FLRT1: variants seen among roughly 807,000 people sequenced by gnomAD.
FLRT1 encodes the protein fibronectin leucine rich transmembrane protein 1.
A neutral mutation model predicts 30.9 loss-of-function variants in FLRT1; 14 were observed. The observed-to-expected ratio is 0.45, with a 90% CI of 0.30 to 0.71. FLRT1 has a LOEUF of 0.71. FLRT1 is among the 30% of genes least tolerant of loss of function. The pLI, the probability that FLRT1 is intolerant of heterozygous loss-of-function variation, is 0.08. For missense variants in FLRT1, 737 were observed against 949.2 expected (o/e 0.78, Z 2.94); for synonymous variants, 368 against 430.4 (o/e 0.85, Z 1.80).
chr11:64,077,461 T>A (rs998422132), intron 1 of FLRT1, among the ~76,000 whole-genome samples: 3 of 152,076 alleles, frequency 2.0e-5, no homozygotes, highest in Non-Finnish European at 2.9e-5. Context: ...TAAAGACCCA[T>A]CAGCCTTGCC....
chr11:64,078,520 G>A (rs1415073137), intron 1 of FLRT1, among the ~76,000 whole-genome samples: 1 of 152,222 alleles, frequency 6.6e-6, no homozygotes, highest in African/African-American at 2.4e-5. Flanking sequence ...AGCATCGGAG[G>A]GATACCCGGG....
intron 1 of FLRT1, among the ~76,000 whole-genome samples, chr11:64,063,270 G>A (rs1321359813): frequency 6.6e-6 from 1 of 152,064 alleles, no homozygotes; most frequent in African/African-American, 2.4e-5. Context: ...CAATATTAGC[G>A]CCCTCTTCCT....
In FLRT1 at chr11:64,041,719, C is replaced by T. The variant is rs144588305; in HGVS notation, c.-1038+5560C>T. Among the ~76,000 whole-genome samples the T allele has an allele frequency of 2.8e-3, 420 of 152,220 alleles. 1 individual carries two copies. The highest frequency in any genetic ancestry group is 9.6e-3 in the African/African-American group (397 of 41,538). On this transcript the variant is annotated intron_variant, in intron 1 of 2. Coordinates refer to ENST00000682287, the MANE Select transcript of FLRT1 (RefSeq NM_013280.5). ...ATCCGAGGGACTGAGCTCTCTCAAG[C>T]GACATAGCATCTTGGGTCTTGGATC...
chr11:64,072,877 G>A (rs1373436311), intron 1 of FLRT1, among the ~76,000 whole-genome samples: 1 of 152,194 alleles, frequency 6.6e-6, no homozygotes, highest in African/African-American at 2.4e-5. Context: ...ATAAACCTAC[G>A]TGTGGAGCAG....
At chr11:64,059,557 C>G (rs2134433342) in intron 1 of FLRT1, among the ~76,000 whole-genome samples, 1 of 152,304 alleles carries the variant, frequency 6.6e-6, no homozygotes, top group South Asian at 2.1e-4. Flanking sequence ...CCACCCTCAT[C>G]TGGGGAACAG....
chr11:64,076,881 C>G lies in FLRT1; in HGVS notation c.-1037-26313C>G, dbSNP rs1297440122. 2.0e-5 allele frequency among the ~76,000 whole-genome samples: 3 copies of G among 152,238 alleles called. No individual in the cohort carries two copies. In the South Asian group the frequency reaches 6.2e-4, roughly 32 times the overall value. On this transcript the variant is annotated intron_variant, in intron 1 of 2. Transcript: ENST00000682287. Reference sequence around the variant, plus strand: ...TCCATCCCTTGCCTTCCCAAGCTGCCACACTTACTCATCGGCTTGGGGCTA... The same window carrying G: ...TCCATCCCTTGCCTTCCCAAGCTGCGACACTTACTCATCGGCTTGGGGCTA...
rs1346499334 is a variant in FLRT1, at chr11:64,118,919, T to C, written c.*627T>C. 6.0e-6 allele frequency: 1 copy of C among 166,322 alleles called. No homozygotes were observed. Among genetic ancestry groups the C allele is most frequent in the Non-Finnish European group, 1.5e-5 (1 of 67,758 alleles). 10.3% of individuals were successfully genotyped at this position (166,322 alleles called of 1,614,324 possible). A position where few individuals can be genotyped will look rare whatever the true frequency, so the allele number is the denominator to read the frequency against. Reference sequence around the variant, plus strand: ...TCACTGCATTCTTTGAACAATCATGTAGTCGATTAAAAAAAAAAAACAAAC... The same window carrying C: ...TCACTGCATTCTTTGAACAATCATGCAGTCGATTAAAAAAAAAAAACAAAC... On this transcript the variant is annotated 3_prime_UTR_variant, in exon 3 of 3. Transcript: ENST00000682287.
chr11:64,077,380 G>A (rs1944221144), intron 1 of FLRT1, among the ~76,000 whole-genome samples: 1 of 152,188 alleles, frequency 6.6e-6, no homozygotes, highest in Non-Finnish European at 1.5e-5. Context: ...CCTGTCACGG[G>A]GCTGCCCTGC....
At chr11:64,056,702 T>C (rs753461049) in intron 1 of FLRT1, among the ~76,000 whole-genome samples, 2 of 152,078 alleles carry the variant, frequency 1.3e-5, no homozygotes, top group Non-Finnish European at 2.9e-5. Flanking sequence ...GCAGCACTCA[T>C]AGGGGACAGC....
chr11:64,117,307 C>T lies in FLRT1; in HGVS notation c.1040C>T (p.Ala347Val), dbSNP rs202104543. Residue 347 changes from alanine (A) to valine (V), a missense_variant, in exon 3 of 3, where the codon GCG becomes GTG. By Grantham distance (64) the Ala-to-Val change is moderately conservative (BLOSUM62 0). Transcript: ENST00000682287. ...MWLRDWVKAR[A>V]AVVNVRGLMC... ...CTGCGGGACTGGGTGAAGGCACGGG[C>T]GGCCGTGGTCAACGTGCGGGGCCTC... The T allele has an allele frequency of 2.1e-5, 34 of 1,613,994 alleles. No homozygotes were observed. Among genetic ancestry groups the T allele is most frequent in the Middle Eastern group, 1.6e-4 (1 of 6,084 alleles).
intron 2 of FLRT1, among the ~76,000 whole-genome samples, chr11:64,114,558 T>C (rs1288255005): frequency 2.8e-5 from 4 of 141,082 alleles, no homozygotes; most frequent in African/African-American, 1.0e-4. Flanking sequence ...CATGGATGGA[T>C]GGATGGATGG....
At chr11:64,072,268 T>C (rs1590869142) in intron 1 of FLRT1, among the ~76,000 whole-genome samples, 1 of 151,604 alleles carries the variant, frequency 6.6e-6, no homozygotes, top group African/African-American at 2.4e-5. Flanking sequence ...GGTACAGGGG[T>C]GATGCCGGCC....
intron 1 of FLRT1, among the ~76,000 whole-genome samples, chr11:64,048,098 G>A (rs542958415): frequency 1.5e-3 from 223 of 152,270 alleles, no homozygotes; most frequent in Admixed American, 4.3e-3. Flanking sequence ...TGCCCTGGCC[G>A]GCGGGAGGCA....
chr11:64,037,946 T>C (rs1010939222), intron 1 of FLRT1, among the ~76,000 whole-genome samples: 1 of 152,204 alleles, frequency 6.6e-6, no homozygotes, highest in African/African-American at 2.4e-5. Flanking sequence ...ATGTTGTTAG[T>C]GGTCCTGCTC....
rs1457336604 is a variant in FLRT1, at chr11:64,116,388, C to T, written c.121C>T (p.Leu41Phe). The T allele has an allele frequency of 5.0e-6, 8 of 1,613,784 alleles. No individual in the cohort carries two copies. The highest frequency in any genetic ancestry group is 6.8e-6 in the Non-Finnish European group (8 of 1,180,014). Residue 41 changes from leucine (L) to phenylalanine (F), a missense_variant, in exon 3 of 3, where the codon CTC becomes TTC. Leu to Phe is a conservative substitution (Grantham distance 22). Coordinates refer to ENST00000682287, the MANE Select transcript of FLRT1 (RefSeq NM_013280.5). ...GGACTGGCTGTTCCTCTGCTACGGG[C>T]TCATCGCCTTCCTGACGGAGGTCAT... ...LRDWLFLCYG[L>F]IAFLTEVIDS... is the part of the protein sequence containing the mutation.
chr11:64,092,875 G>A (rs1055055394), intron 1 of FLRT1, among the ~76,000 whole-genome samples: 1 of 152,372 alleles, frequency 6.6e-6, no homozygotes, highest in African/African-American at 2.4e-5. Flanking sequence ...ATGGGTAACC[G>A]CTGGAGTGAA....
At chr11:64,037,696 G>A (rs1408516972) in intron 1 of FLRT1, among the ~76,000 whole-genome samples, 5 of 152,144 alleles carry the variant, frequency 3.3e-5, no homozygotes, top group Non-Finnish European at 7.3e-5. Context: ...CAGACACAGA[G>A]ACTGGATACT....
chr11:64,046,158 A>T (rs1336643919), intron 1 of FLRT1, among the ~76,000 whole-genome samples: 1 of 152,130 alleles, frequency 6.6e-6, no homozygotes, highest in South Asian at 2.1e-4. Flanking sequence ...TTCTCTTAGC[A>T]TGGGTGCTGC....
rs1289694038 is a variant in FLRT1, at chr11:64,096,314, C to T, written c.-1037-6880C>T. 2.0e-5 allele frequency among the ~76,000 whole-genome samples: 3 copies of T among 152,182 alleles called. No homozygotes were observed. The highest frequency in any genetic ancestry group is 2.9e-5 in the Non-Finnish European group (2 of 68,034). ...GCTGGTGGCGCCAGGTTCATCACCC[C>T]GAGCTTCCTCTAGGCTGGACACGGT... On this transcript the variant is annotated intron_variant, in intron 1 of 2. Transcript: ENST00000682287. This position sits in a 1 kb window ranked among gnomAD's most constrained non-coding sequence, Gnocchi z 4.6.
Sources: allele counts gnomAD v4.1 joint callset (sites outside exome capture counted in the v4.1 genomes callset), GRCh38; gene constraint gnomAD v4.1.1; non-coding constraint Gnocchi (gnomAD v3.1); transcripts MANE v1.5; gene names NCBI Gene and HGNC (gene_info 2026-07-23, HGNC 2026-07-21).